Variants in TGIF2 observed in about 807,000 individuals in gnomAD.
TGIF2 encodes TGFB induced factor homeobox 2.
A neutral mutation model predicts 15.1 loss-of-function variants in TGIF2; 5 were observed. The observed-to-expected ratio is 0.33, with a 90% confidence interval of 0.17 to 0.70. The LOEUF (loss-of-function observed/expected upper bound fraction) is 0.70, where lower values mean the gene tolerates loss of function less well. Ranked by LOEUF, TGIF2 falls within the 30% of genes least tolerant of loss-of-function variation. The probability of loss-of-function intolerance (pLI) is 0.67; values close to 1 mark genes in which losing one functional copy is unlikely to be tolerated. For missense variants in TGIF2, 264 were observed against 302.5 expected (o/e 0.87, Z 0.94); for synonymous variants, 131 against 128.9 (o/e 1.02, Z -0.11).
chr20:36,581,585 C>T (rs1736527883), intron 2 of TGIF2, among the ~76,000 whole-genome samples: 1 of 152,064 alleles, frequency 6.6e-6, no homozygotes, highest in South Asian at 2.1e-4. Flanking sequence ...TTGTCAGGGA[C>T]ACTTTCTCAA....
At chr20:36,588,218 C>T (rs1180800116) in intron 2 of TGIF2, among the ~76,000 whole-genome samples, 1 of 152,094 alleles carries the variant, frequency 6.6e-6, no homozygotes, top group Non-Finnish European at 1.5e-5. Flanking sequence ...ACTTTGGGGA[C>T]ACTGCCCTCT....
At chr20:36,580,433 G>A (rs550269476) in intron 2 of TGIF2, among the ~76,000 whole-genome samples, 77 of 152,284 alleles carry the variant, frequency 5.1e-4, no homozygotes, top group African/African-American at 1.7e-3. Flanking sequence ...TTCTCTGTGA[G>A]CCTCATTATT....
rs1318054163 is a variant in TGIF2 at position 36,591,383 on chromosome 20, C to G, written c.666C>G (p.Leu222=). The G allele has an allele frequency of 9.3e-6, 15 of 1,614,054 alleles. No homozygotes were observed. Among genetic ancestry groups the G allele is most frequent in the Non-Finnish European group, 1.3e-5 (15 of 1,180,032 alleles). The change falls in exon 3 of 3, where the codon CTC becomes CTG. Residue 222 remains leucine (L), a synonymous_variant. Coordinates refer to ENST00000373872, the MANE Select transcript of TGIF2 (RefSeq NM_021809.7). This position sits in a 1 kb window ranked among gnomAD's most constrained non-coding sequence, Gnocchi z 5.3. The part of the protein sequence containing the change: ...MELQKQQDPS[L]PLLHTPIPLV... ...TTCAGAAGCAGCAGGACCCATCACT[C>G]CCATTACTGCACACTCCCATCCCTT... is the stretch of plus-strand genomic sequence containing the variant.
At chr20:36,574,021 C>T (rs2038357674) in intron 1 of TGIF2, among the ~76,000 whole-genome samples, 1 of 151,062 alleles carries the variant, frequency 6.6e-6, no homozygotes, top group Admixed American at 6.6e-5. Flanking sequence ...CATAGGATCC[C>T]ACCCCAGGAG....
At chr20:36,583,612 T>A (rs1171736041) in intron 2 of TGIF2, among the ~76,000 whole-genome samples, 1 of 148,888 alleles carries the variant, frequency 6.7e-6, no homozygotes, top group African/African-American at 2.5e-5. Flanking sequence ...ATAAAAAAAA[T>A]TAGGCTGGGC....
At chr20:36,573,476 A>T (rs2038340734), upstream of TGIF2, 1 of 146,740 alleles carries the variant, frequency 6.8e-6, no homozygotes, top group Non-Finnish European at 1.5e-5. Context: ...CTCGGCGCCG[A>T]CGGCCCGCCC....
chr20:36,578,853 A>G lies in TGIF2; in HGVS notation c.79A>G (p.Lys27Glu). The change falls in exon 2 of 3, where the codon AAG (lysine) becomes GAG (glutamate). Residue 27 changes from lysine (K) to glutamate (E), a missense_variant. Transcript: ENST00000373872. Reference sequence around the variant, plus strand: ...AAGGAAGCGCAGGGGGAACCTGCCCAAGGAGTCGGTGAAGATCCTCCGGGA... The same window carrying G: ...AAGGAAGCGCAGGGGGAACCTGCCCGAGGAGTCGGTGAAGATCCTCCGGGA... ...GKRKRRGNLP[K>E]ESVKILRDWL... 1 of 1,614,188 alleles carries G rather than the reference A, an allele frequency of 6.2e-7. No individual in the cohort carries two copies. Among genetic ancestry groups the G allele is most frequent in the Non-Finnish European group, 8.5e-7 (1 of 1,180,024 alleles).
intron 2 of TGIF2, among the ~76,000 whole-genome samples, chr20:36,587,344 T>C (rs1249427948): frequency 6.6e-6 from 1 of 152,154 alleles, no homozygotes; most frequent in Non-Finnish European, 1.5e-5. Context: ...GGGAAGTGCC[T>C]TTAGGGGCTA....
chr20:36,576,031 G>T (rs1336888917), intron 1 of TGIF2, among the ~76,000 whole-genome samples: 1 of 151,876 alleles, frequency 6.6e-6, no homozygotes, highest in East Asian at 1.9e-4. Flanking sequence ...GATGGAGATT[G>T]CAGTGAGCCA....
chr20:36,577,266 C>A (rs1360158505), intron 1 of TGIF2, among the ~76,000 whole-genome samples: 1 of 151,992 alleles, frequency 6.6e-6, no homozygotes, highest in African/African-American at 2.4e-5. Flanking sequence ...ATGCCATGAT[C>A]TCAGCTCACT....
intron 1 of TGIF2, among the ~76,000 whole-genome samples, chr20:36,578,078 T>G (rs2038468512): frequency 6.6e-6 from 1 of 152,152 alleles, no homozygotes; most frequent in Admixed American, 6.5e-5. Context: ...AGCTTCTCCC[T>G]TATTGGGGAA....
Position 36,591,384 on chromosome 20 carries a change from C to G in TGIF2, c.667C>G (p.Pro223Ala). ...TCAGAAGCAGCAGGACCCATCACTC[C>G]CATTACTGCACACTCCCATCCCTTT... ...ELQKQQDPSL[P>A]LLHTPIPLVS... Residue 223 changes from proline to alanine, a missense_variant, in exon 3 of 3, where the codon CCA becomes GCA. Physicochemically the swap from Pro to Ala is conservative, Grantham distance 27. Coordinates refer to ENST00000373872, the MANE Select transcript of TGIF2 (RefSeq NM_021809.7). The surrounding 1 kb of genome is among the most constrained non-coding windows in gnomAD (Gnocchi z 5.3). 6.2e-7 allele frequency: 1 copy of G among 1,614,140 alleles called. No homozygotes were observed. The highest frequency in any genetic ancestry group is 8.5e-7 in the Non-Finnish European group (1 of 1,180,012).
At chr20:36,587,590 C>G (rs1247991020) in intron 2 of TGIF2, among the ~76,000 whole-genome samples, 8 of 152,190 alleles carry the variant, frequency 5.3e-5, no homozygotes, top group Admixed American at 5.2e-4. Flanking sequence ...AAGACTCCCT[C>G]TCACTCTTCA....
chr20:36,582,711 G>A (rs1237355950), intron 2 of TGIF2, among the ~76,000 whole-genome samples: 3 of 152,206 alleles, frequency 2.0e-5, no homozygotes, highest in East Asian at 1.9e-4. Flanking sequence ...GAGGGGACCC[G>A]TGGTGGCCAC....
chr20:36,582,375 T>G (rs1025059621), intron 2 of TGIF2, among the ~76,000 whole-genome samples: 2 of 152,224 alleles, frequency 1.3e-5, no homozygotes, highest in African/African-American at 4.8e-5. Context: ...TTCTTTTTGC[T>G]TTTGTTCTTA....
In TGIF2 at chr20:36,592,933, C is replaced by G. The variant is rs2038792874; in HGVS notation, c.*1502C>G. 1 of 152,298 alleles carries G rather than the reference C, an allele frequency of 6.6e-6. No homozygotes were observed. Among genetic ancestry groups the G allele is most frequent in the African/African-American group, 2.4e-5 (1 of 41,414 alleles). The allele number at this position is 152,298 out of a possible 1,614,324, so 9.4% of individuals were successfully genotyped here. A position where few individuals can be genotyped will look rare whatever the true frequency, so the allele number is the denominator to read the frequency against. On this transcript the variant is annotated 3_prime_UTR_variant, in exon 3 of 3. Coordinates refer to ENST00000373872, the MANE Select transcript of TGIF2 (RefSeq NM_021809.7). ...CTCCCGGGTTCAAGCAATTATTTGC[C>G]TCAGCCTCCCGAGTAGCTGGGATTA...
intron 2 of TGIF2, among the ~76,000 whole-genome samples, chr20:36,583,756 G>T (rs1383639873): frequency 6.6e-6 from 1 of 152,176 alleles, no homozygotes; most frequent in East Asian, 1.9e-4. Flanking sequence ...AATTAACCAG[G>T]TGTGGTGCTG....
Position 36,591,097 on chromosome 20 carries a change from T to A in TGIF2, c.380T>A (p.Leu127Gln). Residue 127 changes from leucine (L) to glutamine (Q), a missense_variant, in exon 3 of 3, where the codon CTG becomes CAG. Physicochemically the swap from Leu to Gln is moderately radical, Grantham distance 113. Coordinates refer to ENST00000373872, the MANE Select transcript of TGIF2 (RefSeq NM_021809.7). This position sits in a 1 kb window ranked among gnomAD's most constrained non-coding sequence, Gnocchi z 5.3. The part of the protein sequence containing the change: ...SVPAPTNVLS[L>Q]SVCSMPLHSG... ...CCAGCCCCCACCAATGTGCTCTCCC[T>A]GTCTGTGTGCTCCATGCCGCTTCAC... The A allele has an allele frequency of 6.2e-7, 1 of 1,604,850 alleles. No homozygotes were observed. Among genetic ancestry groups the A allele is most frequent in the Non-Finnish European group, 8.5e-7 (1 of 1,172,824 alleles).
At chr20:36,584,082 A>T (rs2038602302) in intron 2 of TGIF2, among the ~76,000 whole-genome samples, 1 of 152,140 alleles carries the variant, frequency 6.6e-6, no homozygotes, top group Admixed American at 6.6e-5. Context: ...AAAAGAAAAA[A>T]AAATTCAATG....
Sources: allele counts gnomAD v4.1 joint callset (sites outside exome capture counted in the v4.1 genomes callset), GRCh38; gene constraint gnomAD v4.1.1; non-coding constraint Gnocchi (gnomAD v3.1); transcripts MANE v1.5; gene names NCBI Gene and HGNC (gene_info 2026-07-23, HGNC 2026-07-21).